The following KCNAB1 variants were observed in gnomAD, a reference collection of about 807,000 sequenced individuals.
KCNAB1 encodes voltage-gated potassium channel subunit beta-1.
Under a neutral mutation model 64.6 loss-of-function variants are expected in KCNAB1, and 35 were observed. The ratio of observed to expected loss-of-function variants is 0.54; its 90% CI spans 0.41 to 0.72. The LOEUF (loss-of-function observed/expected upper bound fraction) is 0.72. KCNAB1 is among the 30% of genes least tolerant of loss of function. The probability of loss-of-function intolerance (pLI) is 0.00; values close to 1 mark genes in which losing one functional copy is unlikely to be tolerated. For missense variants in KCNAB1, 401 were observed against 512.9 expected, an observed-to-expected ratio of 0.78 and a Z score of 2.11; for synonymous variants, 177 against 183.8, an observed-to-expected ratio of 0.96 and a Z score of 0.30.
chr3:156,400,913 G>T (rs1158933344), intron 1 of KCNAB1, among the ~76,000 whole-genome samples: 1 of 152,140 alleles, frequency 6.6e-6, no homozygotes, highest in Admixed American at 6.6e-5. Context: ...GTCATAGAAT[G>T]ATGTTTATTT....
intron 1 of KCNAB1, chr3:156,291,157 C>A (rs915834851): frequency 4.1e-6 from 4 of 985,414 alleles, no homozygotes; most frequent in Non-Finnish European, 3.6e-6. Context: ...GCCTTCCCAT[C>A]GCACACAAAG....
At chr3:156,399,011 C>A (rs1713696375) in intron 1 of KCNAB1, among the ~76,000 whole-genome samples, 1 of 152,194 alleles carries the variant, frequency 6.6e-6, no homozygotes, top group Admixed American at 6.5e-5. Context: ...CAATCTCCTA[C>A]CCACCAAGCT....
At chr3:156,390,931 C>A (rs1712996255) in intron 1 of KCNAB1, among the ~76,000 whole-genome samples, 1 of 152,088 alleles carries the variant, frequency 6.6e-6, no homozygotes, top group African/African-American at 2.4e-5. Context: ...CCCCACTCTT[C>A]CCAGTTGCGA....
chr3:156,248,197 G>C (rs1398686702), intron 1 of KCNAB1, among the ~76,000 whole-genome samples: 1 of 152,182 alleles, frequency 6.6e-6, no homozygotes, highest in Non-Finnish European at 1.5e-5. Context: ...ATATTTTGCA[G>C]CTAGAGTTTT....
intron 1 of KCNAB1, among the ~76,000 whole-genome samples, chr3:156,173,116 G>A (rs373670955): frequency 1.3e-5 from 2 of 152,198 alleles, no homozygotes; most frequent in Non-Finnish European, 2.9e-5. Flanking sequence ...TCTGAATGTC[G>A]GATGCCTCAA....
At position 156,464,942 on chromosome 3, in the gene KCNAB1, T is replaced by C. The variant is rs142292445; in HGVS notation, c.528-701T>C. On this transcript the variant is annotated intron_variant, in intron 6 of 13. Transcript: ENST00000490337. Reference sequence around the variant, plus strand: ...ACCTACGGTATTACTAATGTACTTATTAAGAATACCAAATAAGAATACATT... The same window carrying C: ...ACCTACGGTATTACTAATGTACTTACTAAGAATACCAAATAAGAATACATT... Among the ~76,000 whole-genome samples, 1,142 of 152,280 alleles carry C rather than the reference T, an allele frequency of 7.5e-3. 13 individuals carry two copies. Among genetic ancestry groups the C allele is most frequent in the South Asian group, 0.023 (111 of 4,828 alleles).
At chr3:156,479,282 A>G (rs1272964129) in intron 8 of KCNAB1, among the ~76,000 whole-genome samples, 1 of 152,138 alleles carries the variant, frequency 6.6e-6, no homozygotes, top group Non-Finnish European at 1.5e-5. Context: ...TCACTTCCAC[A>G]AATCCCTAAC....
intron 1 of KCNAB1, among the ~76,000 whole-genome samples, chr3:156,283,334 T>A (rs1048297628): frequency 3.3e-5 from 5 of 151,288 alleles, no homozygotes; most frequent in African/African-American, 1.2e-4. Flanking sequence ...CTGAGAGATC[T>A]GCTGTTAGTC....
intron 8 of KCNAB1, among the ~76,000 whole-genome samples, chr3:156,512,031 A>T (rs536231893): frequency 1.3e-5 from 2 of 152,262 alleles, no homozygotes; most frequent in South Asian, 2.1e-4. Context: ...CCTAAACATG[A>T]TTGCTCTTCA....
At chr3:156,487,624 A>G (rs1283732187) in intron 8 of KCNAB1, among the ~76,000 whole-genome samples, 1 of 152,126 alleles carries the variant, frequency 6.6e-6, no homozygotes. Context: ...CAAGAAAACC[A>G]TTTTGTTTGT....
chr3:156,284,742 G>C (rs890224237), intron 1 of KCNAB1, among the ~76,000 whole-genome samples: 1 of 152,182 alleles, frequency 6.6e-6, no homozygotes, highest in Admixed American at 6.5e-5. Flanking sequence ...AGGTGCGTCC[G>C]TCACCCCTTT....
At chr3:156,205,206 A>G (rs916024723) in intron 1 of KCNAB1, among the ~76,000 whole-genome samples, 1 of 152,198 alleles carries the variant, frequency 6.6e-6, no homozygotes, top group African/African-American at 2.4e-5. Context: ...ATTTTCATAG[A>G]TTGAGCTATA....
chr3:156,243,320 G>A lies in KCNAB1; in HGVS notation c.275+122434G>A, dbSNP rs189415567. 5.1e-3 allele frequency among the ~76,000 whole-genome samples: 779 copies of A among 152,298 alleles called. 4 individuals are homozygous for A. Among genetic ancestry groups the A allele is most frequent in the Non-Finnish European group, 7.1e-3 (484 of 68,022 alleles). ...GCTCACTGCAACCCCCACCTCCTGG[G>A]TTCAAGCAATTCTCCTGCCTCAGCC... On this transcript the variant is annotated intron_variant, in intron 1 of 13. Transcript: ENST00000490337.
intron 1 of KCNAB1, among the ~76,000 whole-genome samples, chr3:156,170,696 G>A (rs1450054175): frequency 6.6e-6 from 1 of 152,082 alleles, no homozygotes; most frequent in Admixed American, 6.5e-5. Flanking sequence ...ACATGCTCCA[G>A]TTAGCCATAA....
chr3:156,538,600 A>ATCTT lies in KCNAB1; in HGVS notation c.*1854_*1857dup, dbSNP rs769025469. ...GTAATAAAAGCATTTTGTGCATTCA[A>ATCTT]TCTTACAATAGATTTTATCTGATCT... On this transcript the variant is annotated 3_prime_UTR_variant, in exon 14 of 14. Transcript: ENST00000490337. 1.3e-5 allele frequency: 2 copies of ATCTT among 152,270 alleles called. No homozygotes were observed. The highest frequency in any genetic ancestry group is 4.8e-5 in the African/African-American group (2 of 41,470). The allele number at this position is 152,270 out of a possible 1,614,324, so 9.4% of individuals were successfully genotyped here. A position where few individuals can be genotyped will look rare whatever the true frequency, so the allele number is the denominator to read the frequency against.
chr3:156,342,743 C>A (rs1374918855), intron 1 of KCNAB1, among the ~76,000 whole-genome samples: 1 of 151,786 alleles, frequency 6.6e-6, no homozygotes, highest in Non-Finnish European at 1.5e-5. Context: ...GTATATCTCC[C>A]AATGAAAGCT....
chr3:156,312,543 C>A (rs528158353), intron 1 of KCNAB1, among the ~76,000 whole-genome samples: 1 of 151,966 alleles, frequency 6.6e-6, no homozygotes, highest in South Asian at 2.1e-4. Flanking sequence ...GAAACCCTGT[C>A]TCTACTGAAA....
chr3:156,452,375 G>T lies in KCNAB1; in HGVS notation c.320-524G>T, dbSNP rs1412246206. Among the ~76,000 whole-genome samples, 1 of 152,230 alleles carries T rather than the reference G, an allele frequency of 6.6e-6. No homozygotes were observed. The highest frequency in any genetic ancestry group is 1.9e-4 in the East Asian group (1 of 5,194). On this transcript the variant is annotated intron_variant, in intron 2 of 13. Coordinates refer to ENST00000490337, the MANE Select transcript of KCNAB1 (RefSeq NM_172160.3). The surrounding 1 kb of genome is among the most constrained non-coding windows in gnomAD (Gnocchi z 4.6). ...TTCTGGAATGGCAGGTTATGACAGA[G>T]AAGGCACATAAGTGTCACCTCCTGA...
intron 1 of KCNAB1, among the ~76,000 whole-genome samples, chr3:156,303,860 A>T (rs984781440): frequency 4.6e-5 from 7 of 152,234 alleles, no homozygotes; most frequent in African/African-American, 1.7e-4. Context: ...TAATGCAAAT[A>T]CAACAATGAA....
Sources: allele counts gnomAD v4.1 joint callset (sites outside exome capture counted in the v4.1 genomes callset), GRCh38; gene constraint gnomAD v4.1.1; non-coding constraint Gnocchi (gnomAD v3.1); transcripts MANE v1.5; gene names NCBI Gene and HGNC (gene_info 2026-07-23, HGNC 2026-07-21).